SEMA3A: variants seen among roughly 807,000 people sequenced by gnomAD.
SEMA3A encodes the protein semaphorin-3A.
In SEMA3A, 29 loss-of-function variants were observed where a neutral mutation model predicts 97.9. That is an observed-to-expected ratio of 0.30 (90% confidence interval 0.22 to 0.40). The LOEUF (loss-of-function observed/expected upper bound fraction) is 0.40, where lower values mean the gene tolerates loss of function less well. Ranked by LOEUF, SEMA3A falls within the 10% of genes least tolerant of loss-of-function variation. The probability of loss-of-function intolerance (pLI) is 1.00; values close to 1 mark genes in which losing one functional copy is unlikely to be tolerated. For missense variants in SEMA3A, 763 were observed against 951.3 expected (o/e 0.80, Z 2.60); for synonymous variants, 321 against 323.7 (o/e 0.99, Z 0.09).
chr7:84,463,301 T>A (rs550099782), intron 1 of SEMA3A, among the ~76,000 whole-genome samples: 3 of 137,090 alleles, frequency 2.2e-5, no homozygotes, highest in South Asian at 2.3e-4. Flanking sequence ...CAGGCTGGAG[T>A]GCAGTGGCGC....
At chr7:84,166,544 C>A (rs1172216127) in intron 1 of SEMA3A, among the ~76,000 whole-genome samples, 1 of 146,064 alleles carries the variant, frequency 6.8e-6, no homozygotes, top group Non-Finnish European at 1.5e-5. Context: ...TCACTCCAGC[C>A]TGGGCAACAA....
In SEMA3A at chr7:84,010,844, G is replaced by C. The variant is rs74416090; in HGVS notation, c.995+178C>G. Reference sequence around the variant, plus strand: ...TACAATGATGATTTTTTCTAAAATTGATTTAGAAAACAAACATCTACGTAG... The same window carrying C: ...TACAATGATGATTTTTTCTAAAATTCATTTAGAAAACAAACATCTACGTAG... On this transcript the variant is annotated intron_variant, in intron 9 of 16. Coordinates refer to ENST00000265362, the MANE Select transcript of SEMA3A (RefSeq NM_006080.3). Among the ~76,000 whole-genome samples the C allele has an allele frequency of 0.052, 7,942 of 152,032 alleles. 256 individuals carry two copies. Among genetic ancestry groups the C allele is most frequent in the East Asian group, 0.12 (620 of 5,162 alleles).
At chr7:84,376,030 T>C in intron 1 of SEMA3A, among the ~76,000 whole-genome samples, 1 of 152,168 alleles carries the variant, frequency 6.6e-6, no homozygotes, top group Non-Finnish European at 1.5e-5. Flanking sequence ...TATTTCATTC[T>C]TTTTATGGCT....
At chr7:84,482,880 G>C (rs1397780593) in intron 1 of SEMA3A, among the ~76,000 whole-genome samples, 1 of 79,658 alleles carries the variant, frequency 1.3e-5, no homozygotes, top group Non-Finnish European at 2.4e-5. Context: ...TTTTTTTTTT[G>C]GAGTGTAGTC....
chr7:84,208,384 G>A (rs888521910), intron 3 of SEMA3A, among the ~76,000 whole-genome samples: 9 of 151,826 alleles, frequency 5.9e-5, no homozygotes, highest in Non-Finnish European at 7.4e-5. Flanking sequence ...CCCGGGAGGC[G>A]GAGCTTGCAG....
At chr7:84,234,972 G>A (rs746792593) in intron 3 of SEMA3A, among the ~76,000 whole-genome samples, 5 of 151,876 alleles carry the variant, frequency 3.3e-5, no homozygotes, top group African/African-American at 7.3e-5. Context: ...GTTTTCCTGC[G>A]TTTTTACTCT....
At chr7:84,474,586 G>A (rs1806231877) in intron 1 of SEMA3A, among the ~76,000 whole-genome samples, 1 of 152,306 alleles carries the variant, frequency 6.6e-6, no homozygotes, top group African/African-American at 2.4e-5. Context: ...CCCATCAGGA[G>A]TGTAAGAGCT....
chr7:84,436,275 A>G (rs1048824967), intron 1 of SEMA3A, among the ~76,000 whole-genome samples: 1 of 152,178 alleles, frequency 6.6e-6, no homozygotes, highest in Non-Finnish European at 1.5e-5. Flanking sequence ...CCCTTGGGAA[A>G]GAATTTATGA....
At chr7:84,296,356 A>G (rs1800870783) in intron 3 of SEMA3A, among the ~76,000 whole-genome samples, 1 of 152,160 alleles carries the variant, frequency 6.6e-6, no homozygotes. Context: ...CATAAATTTG[A>G]GCAACACGCT....
At chr7:84,178,398 T>C (rs1253270889) in intron 1 of SEMA3A, among the ~76,000 whole-genome samples, 2 of 152,128 alleles carry the variant, frequency 1.3e-5, no homozygotes, top group East Asian at 3.9e-4. Context: ...GTCTCATCCA[T>C]ACACATTTTT....
At chr7:84,341,529 C>T (rs567162634) in intron 2 of SEMA3A, among the ~76,000 whole-genome samples, 6 of 151,932 alleles carry the variant, frequency 3.9e-5, no homozygotes, top group African/African-American at 1.4e-4. Flanking sequence ...ACCTAGGAGG[C>T]GTTATTTCCC....
chr7:84,187,128 A>G (rs1211612738), intron 1 of SEMA3A, among the ~76,000 whole-genome samples: 4 of 152,194 alleles, frequency 2.6e-5, no homozygotes, highest in Non-Finnish European at 5.9e-5. Context: ...CTGAACTGCT[A>G]AATCTCAGCA....
intron 3 of SEMA3A, among the ~76,000 whole-genome samples, chr7:84,247,807 G>A (rs981472901): frequency 2.6e-5 from 4 of 152,108 alleles, no homozygotes; most frequent in African/African-American, 4.8e-5. Context: ...CTACTGCCCT[G>A]AAAGTATGAG....
At chr7:84,293,765 A>T (rs1368256374) in intron 3 of SEMA3A, among the ~76,000 whole-genome samples, 1 of 152,046 alleles carries the variant, frequency 6.6e-6, no homozygotes, top group African/African-American at 2.4e-5. Flanking sequence ...AAATATAAGA[A>T]TCCGTGTAAG....
intron 3 of SEMA3A, among the ~76,000 whole-genome samples, chr7:84,246,429 G>A (rs1799478498): frequency 6.6e-6 from 1 of 152,000 alleles, no homozygotes; most frequent in Non-Finnish European, 1.5e-5. Context: ...CTGTTCATAT[G>A]GTTTTGCTAA....
chr7:83,963,981 A>G (rs1788577196), intron 15 of SEMA3A, among the ~76,000 whole-genome samples: 1 of 152,204 alleles, frequency 6.6e-6, no homozygotes, highest in South Asian at 2.1e-4. Context: ...ATGCATAGTT[A>G]TAATGCAATG....
At chr7:84,360,503 G>T (rs901672395) in intron 2 of SEMA3A, among the ~76,000 whole-genome samples, 1 of 147,592 alleles carries the variant, frequency 6.8e-6, no homozygotes, top group Non-Finnish European at 1.5e-5. Flanking sequence ...TGTGGTCTGA[G>T]AGACAGTTAG....
intron 1 of SEMA3A, among the ~76,000 whole-genome samples, chr7:84,486,605 T>C (rs931487300): frequency 7.2e-5 from 11 of 152,196 alleles, no homozygotes; most frequent in African/African-American, 2.4e-4. Flanking sequence ...TCACGAGTAT[T>C]CACACAAATG....
At chr7:84,342,368 A>G (rs1255723570) in intron 2 of SEMA3A, among the ~76,000 whole-genome samples, 1 of 152,136 alleles carries the variant, frequency 6.6e-6, no homozygotes, top group African/African-American at 2.4e-5. Flanking sequence ...ATTAAAGGTT[A>G]CAATCATATT....
Sources: allele counts gnomAD v4.1 joint callset (sites outside exome capture counted in the v4.1 genomes callset), GRCh38; gene constraint gnomAD v4.1.1; transcripts MANE v1.5; gene names NCBI Gene and HGNC (gene_info 2026-07-23, HGNC 2026-07-21).